The following RCBTB2 variants were observed in gnomAD, a reference collection of about 807,000 sequenced individuals.
RCBTB2 encodes RCC1 and BTB domain containing protein 2.
In RCBTB2, 55 loss-of-function variants were observed where a neutral mutation model predicts 65.4. The observed-to-expected ratio is 0.84, with a 90% CI of 0.68 to 1.05. The LOEUF (loss-of-function observed/expected upper bound fraction) is 1.05. Among genes scored for constraint, RCBTB2 ranks in the 50% least tolerant of loss-of-function variants. The pLI, the probability that RCBTB2 is intolerant of heterozygous loss-of-function variation, is 0.00. For synonymous variants in RCBTB2, 220 were observed against 255.2 expected (o/e 0.86, Z 1.31); for missense variants, 599 against 680.1 (o/e 0.88, Z 1.33).
intron 10 of RCBTB2, among the ~76,000 whole-genome samples, chr13:48,507,991 C>A (rs147562316): frequency 6.6e-6 from 1 of 152,258 alleles, no homozygotes; most frequent in African/African-American, 2.4e-5. Flanking sequence ...TAAATAAAAT[C>A]TTTTTCTGGG....
intron 10 of RCBTB2, among the ~76,000 whole-genome samples, chr13:48,508,614 G>A (rs1329965808): frequency 6.6e-6 from 1 of 152,142 alleles, no homozygotes; most frequent in Non-Finnish European, 1.5e-5. Flanking sequence ...ATGTTGGCCA[G>A]GCTGGTCTCA....
intron 4 of RCBTB2, among the ~76,000 whole-genome samples, chr13:48,518,642 T>C (rs1951240551): frequency 2.0e-5 from 3 of 151,610 alleles, no homozygotes; most frequent in African/African-American, 7.2e-5. Flanking sequence ...TTATTATATA[T>C]ATAATTTTAG....
chr13:48,505,335 T>A (rs540803805), intron 10 of RCBTB2, among the ~76,000 whole-genome samples: 64 of 152,210 alleles, frequency 4.2e-4, no homozygotes, highest in Non-Finnish European at 8.5e-4. Context: ...TGACAAAGCA[T>A]CTTTTAGGTG....
chr13:48,526,776 C>T (rs1234310807), intron 1 of RCBTB2, among the ~76,000 whole-genome samples: 2 of 151,680 alleles, frequency 1.3e-5, no homozygotes, highest in Admixed American at 6.6e-5. Flanking sequence ...ATTAGCCAGG[C>T]GTAAGAGTGT....
Position 48,511,832 on chromosome 13 carries a change from T to C in RCBTB2, c.721A>G (p.Asn241Asp). The C allele has an allele frequency of 6.2e-7, 1 of 1,614,186 alleles. No individual in the cohort carries two copies. Among genetic ancestry groups the C allele is most frequent in the South Asian group, 1.1e-5 (1 of 91,078 alleles). Reference sequence around the variant, plus strand: ...CAAGGGGTTGGCTGGTTGCCACTGTTGCCGAGTCCAAGCTGCCCGTTTCCG... The same window carrying C: ...CAAGGGGTTGGCTGGTTGCCACTGTCGCCGAGTCCAAGCTGCCCGTTTCCG... ...YNGNGQLGLG[N>D]SGNQPTPCRV... Residue 241 changes from asparagine (N) to aspartate (D), a missense_variant, in exon 9 of 15, where the codon AAC (asparagine) becomes GAC (aspartate). Asn to Asp is a conservative substitution (Grantham distance 23, BLOSUM62 1). Transcript: ENST00000344532.
At chr13:48,507,624 G>A (rs556988479) in intron 10 of RCBTB2, among the ~76,000 whole-genome samples, 1 of 152,290 alleles carries the variant, frequency 6.6e-6, no homozygotes, top group East Asian at 1.9e-4. Context: ...AACCTTGAGG[G>A]GGGTGAAAGG....
intron 12 of RCBTB2, among the ~76,000 whole-genome samples, chr13:48,500,881 G>A (rs1206055827): frequency 6.6e-6 from 1 of 152,196 alleles, no homozygotes; most frequent in East Asian, 1.9e-4. Context: ...GTGAGCAAAC[G>A]CTGCACAGCT....
At chr13:48,510,811 T>G in intron 9 of RCBTB2, 40 bp from the exon 10 acceptor site, 2 of 1,561,004 alleles carry the variant, frequency 1.3e-6, no homozygotes, top group Non-Finnish European at 1.7e-6. Context: ...CAAATATAAG[T>G]AATTATTTCA....
chr13:48,505,109 C>T (rs1317211915), intron 10 of RCBTB2, among the ~76,000 whole-genome samples: 1 of 149,772 alleles, frequency 6.7e-6, no homozygotes, highest in Non-Finnish European at 1.5e-5. Flanking sequence ...GGGTTTGAAT[C>T]CTCGCTCTAC....
intron 1 of RCBTB2, chr13:48,532,621 CAGA>C: frequency 4.9e-6 from 1 of 202,876 alleles, no homozygotes; most frequent in South Asian, 5.6e-5. Context: ...GGCCTCCGAG[CAGA>C]TGATCACCCT....
chr13:48,532,787 G>C (rs938629545), intron 1 of RCBTB2: 1 of 315,204 alleles, frequency 3.2e-6, no homozygotes, highest in Non-Finnish European at 6.3e-6. Flanking sequence ...CTGCGGCCTG[G>C]GCTGGGTGTA....
chr13:48,519,963 G>A (rs1445793608), intron 4 of RCBTB2, among the ~76,000 whole-genome samples: 1 of 151,978 alleles, frequency 6.6e-6, no homozygotes, highest in African/African-American at 2.4e-5. Flanking sequence ...CAATTATGAT[G>A]TTCAAAGGTC....
At chr13:48,520,978 T>C (rs866817431) in intron 4 of RCBTB2, among the ~76,000 whole-genome samples, 1 of 152,140 alleles carries the variant, frequency 6.6e-6, no homozygotes, top group African/African-American at 2.4e-5. Context: ...TATTCATTCA[T>C]TATAACACTT....
chr13:48,527,396 T>TATGATA (rs71076027), intron 1 of RCBTB2, among the ~76,000 whole-genome samples: 1 of 137,876 alleles, frequency 7.3e-6, no homozygotes, highest in South Asian at 2.2e-4. Flanking sequence ...TATATTTATA[T>TATGATA]TAAAAGGTGC....
intron 13 of RCBTB2, 152 bp from the exon 14 acceptor site, chr13:48,496,473 T>G: frequency 1.5e-6 from 1 of 685,442 alleles, no homozygotes; most frequent in South Asian, 4.1e-5. Context: ...CACTTACACT[T>G]CAGTGTGGGG....
chr13:48,489,071 A>T lies in RCBTB2; in HGVS notation c.*1040T>A, dbSNP rs1459743022. Reference sequence around the variant, plus strand: ...CATTACATGACATTGTGAGATACACATTAGAAGAATCTGAGACTATGTTCC... The same window carrying T: ...CATTACATGACATTGTGAGATACACTTTAGAAGAATCTGAGACTATGTTCC... On this transcript the variant is annotated 3_prime_UTR_variant, in exon 15 of 15. Transcript: ENST00000344532. The T allele has an allele frequency of 1.3e-5, 2 of 152,254 alleles. No individual in the cohort carries two copies. The highest frequency in any genetic ancestry group is 2.9e-5 in the Non-Finnish European group (2 of 68,040). 9.4% of individuals were successfully genotyped at this position (152,254 alleles called of 1,614,324 possible). A position where few individuals can be genotyped will look rare whatever the true frequency, so the allele number is the denominator to read the frequency against.
chr13:48,499,142 A>ACACACACTCTCTCTCT (rs1366425462), intron 13 of RCBTB2, among the ~76,000 whole-genome samples: 1 of 132,288 alleles, frequency 7.6e-6, no homozygotes, highest in African/African-American at 2.9e-5. Context: ...ACACACACAC[A>ACACACACTCTCTCTCT]CTCTCTCTCT....
At chr13:48,519,132 A>G (rs1309280597) in intron 4 of RCBTB2, among the ~76,000 whole-genome samples, 1 of 152,174 alleles carries the variant, frequency 6.6e-6, no homozygotes, top group African/African-American at 2.4e-5. Context: ...AGCCAGATTA[A>G]AGCCCAGAGT....
chr13:48,499,798 C>T, intron 12 of RCBTB2, 38 bp from the exon 13 acceptor site: 1 of 1,611,722 alleles, frequency 6.2e-7, no homozygotes. Flanking sequence ...CCTAGCTTCC[C>T]AGCCAGGACA....
Sources: gnomAD v4.1 joint callset for allele counts (sites outside exome capture counted in the v4.1 genomes callset) on GRCh38, gnomAD v4.1.1 for gene constraint, MANE v1.5 for transcripts, NCBI Gene and HGNC (gene_info 2026-07-23, HGNC 2026-07-21) for gene names.